The following GPM6A variants were observed in gnomAD, a reference collection of about 807,000 sequenced individuals.
GPM6A encodes neuronal membrane glycoprotein M6-a.
GPM6A carries 7 observed loss-of-function variants against 32.1 expected under a neutral mutation model. The observed-to-expected ratio is 0.22, with a 90% CI of 0.12 to 0.41. GPM6A has a LOEUF of 0.41. GPM6A is among the 10% of genes least tolerant of loss of function. The probability of loss-of-function intolerance (pLI) is 1.00; values close to 1 mark genes in which losing one functional copy is unlikely to be tolerated. For missense variants in GPM6A, 235 were observed against 347.2 expected, an observed-to-expected ratio of 0.68 and a Z score of 2.57; for synonymous variants, 130 against 123.4, an observed-to-expected ratio of 1.05 and a Z score of -0.35.
chr4:175,782,322 C>T (rs1437473597), intron 1 of GPM6A, among the ~76,000 whole-genome samples: 2 of 152,044 alleles, frequency 1.3e-5, no homozygotes, highest in African/African-American at 4.8e-5. Flanking sequence ...TGGAATATCA[C>T]GTCATCTACT....
chr4:175,700,524 A>G (rs1332600696), intron 2 of GPM6A, among the ~76,000 whole-genome samples: 1 of 152,220 alleles, frequency 6.6e-6, no homozygotes, highest in East Asian at 1.9e-4. Flanking sequence ...TGGAATGATA[A>G]GATTAAAAAG....
intron 3 of GPM6A, among the ~76,000 whole-genome samples, chr4:175,670,402 C>T (rs1742988345): frequency 6.6e-6 from 1 of 152,128 alleles, no homozygotes; most frequent in Non-Finnish European, 1.5e-5. Flanking sequence ...GAAAATGTGA[C>T]ACACTGAAGG....
chr4:175,793,422 G>C (rs1734089005), intron 1 of GPM6A, among the ~76,000 whole-genome samples: 3 of 151,978 alleles, frequency 2.0e-5, no homozygotes, highest in African/African-American at 7.3e-5. Flanking sequence ...TGTCCCTCAG[G>C]CTGGAGTGCA....
chr4:175,664,813 C>T (rs1437518982), intron 3 of GPM6A, among the ~76,000 whole-genome samples: 1 of 152,156 alleles, frequency 6.6e-6, no homozygotes, highest in East Asian at 1.9e-4. Context: ...GAAAGGAATT[C>T]ATTTTGAGAA....
intron 1 of GPM6A, among the ~76,000 whole-genome samples, chr4:175,998,686 C>T (rs1741384946): frequency 6.6e-6 from 1 of 152,108 alleles, no homozygotes; most frequent in African/African-American, 2.4e-5. Flanking sequence ...ATCTTTTGCT[C>T]TCCGGTTCCA....
Position 175,640,169 on chromosome 4 carries a change from A to G in GPM6A, c.644T>C (p.Ile215Thr), listed in dbSNP as rs747585562. Reference sequence around the variant, plus strand: ...TGCCCCAGCTCCAGCAAGTGCCACAATAAACAAGTGGAAGGTCATGTTCAG... The same window carrying G: ...TGCCCCAGCTCCAGCAAGTGCCACAGTAAACAAGTGGAAGGTCATGTTCAG... Reference protein sequence around the residue: ...TELNMTFHLFIVALAGAGAAV... With the variant: ...TELNMTFHLFTVALAGAGAAV... The change falls in exon 6 of 7, where the codon ATT (isoleucine) becomes ACT (threonine). Residue 215 changes from isoleucine to threonine, a missense_variant. Ile to Thr is a moderately conservative substitution (Grantham distance 89). This residue lies in a region of GPM6A where 107 missense variants were observed against 116.7 expected (regional missense o/e 0.92). Transcript: ENST00000393658. 55 of 1,613,734 alleles carry G rather than the reference A, an allele frequency of 3.4e-5. No individual in the cohort carries two copies. Among genetic ancestry groups the G allele is most frequent in the Non-Finnish European group, 4.5e-5 (53 of 1,179,756 alleles).
chr4:175,692,243 C>A (rs1279574644), intron 2 of GPM6A, among the ~76,000 whole-genome samples: 1 of 151,920 alleles, frequency 6.6e-6, no homozygotes, highest in African/African-American at 2.4e-5. Flanking sequence ...AGATTTCTTC[C>A]CTGGGATAAA....
chr4:175,668,878 T>C (rs1054643592), intron 3 of GPM6A, among the ~76,000 whole-genome samples: 1 of 152,188 alleles, frequency 6.6e-6, no homozygotes. Context: ...ATAACCATCC[T>C]ATTAAATGAA....
chr4:175,712,710 T>G (rs1236995029), intron 1 of GPM6A, among the ~76,000 whole-genome samples: 1 of 152,196 alleles, frequency 6.6e-6, no homozygotes, highest in Non-Finnish European at 1.5e-5. Flanking sequence ...CTCACTCCTT[T>G]TTTCTATGCC....
chr4:175,723,057 A>G (rs1746227785), intron 1 of GPM6A, among the ~76,000 whole-genome samples: 1 of 152,200 alleles, frequency 6.6e-6, no homozygotes. Flanking sequence ...GTATTGAGAC[A>G]AAAGGTTTGT....
At chr4:175,891,345 A>G (rs188122743) in intron 1 of GPM6A, 5 of 152,272 alleles carry the variant, frequency 3.3e-5, no homozygotes, top group Admixed American at 6.5e-5. Context: ...GTTTTATCCT[A>G]TTCTTCCCTT....
intron 1 of GPM6A, among the ~76,000 whole-genome samples, chr4:175,904,711 G>C (rs1738076553): frequency 1.3e-5 from 2 of 151,898 alleles, no homozygotes; most frequent in Admixed American, 6.6e-5. Flanking sequence ...TACAATTTAT[G>C]GAAAAAATAA....
intron 1 of GPM6A, among the ~76,000 whole-genome samples, chr4:175,806,674 A>T (rs1734708801): frequency 6.6e-6 from 1 of 152,232 alleles, no homozygotes; most frequent in Non-Finnish European, 1.5e-5. Flanking sequence ...TTTATTAAAA[A>T]TATAACTAAT....
At chr4:175,852,082 T>A (rs1292028320) in intron 1 of GPM6A, among the ~76,000 whole-genome samples, 1 of 152,098 alleles carries the variant, frequency 6.6e-6, no homozygotes, top group Non-Finnish European at 1.5e-5. Flanking sequence ...CTCCCCATAA[T>A]ACTTGGAATT....
chr4:175,704,229 T>A (rs1186516312), intron 1 of GPM6A, among the ~76,000 whole-genome samples: 1 of 151,380 alleles, frequency 6.6e-6, no homozygotes, highest in African/African-American at 2.4e-5. Context: ...AAAAAAGGAG[T>A]CTGAACACCT....
At chr4:175,867,788 C>T (rs1736786345) in intron 1 of GPM6A, among the ~76,000 whole-genome samples, 4 of 152,152 alleles carry the variant, frequency 2.6e-5, no homozygotes, top group African/African-American at 7.2e-5. Context: ...TTTCCTTATC[C>T]CACATGAAAG....
chr4:175,806,794 A>C (rs1734714158), intron 1 of GPM6A: 2 of 152,238 alleles, frequency 1.3e-5, no homozygotes, highest in African/African-American at 4.8e-5. Context: ...TAGTAAAAGC[A>C]CAGCTGTGAA....
rs983263083 is a variant in GPM6A, at chr4:175,937,998, C to T, written c.-23+64311G>A. ...GTTGATAGTCAGTTATTTATATGGA[C>T]GTGACCTCAAGTGAATGGATTACAT... On this transcript the variant is annotated intron_variant, in intron 1 of 7. Coordinates refer to the GPM6A transcript ENST00000280187. Among the ~76,000 whole-genome samples, 9 of 152,034 alleles carry T rather than the reference C, an allele frequency of 5.9e-5. No homozygotes were observed. In the East Asian group the frequency reaches 9.6e-4, roughly 16 times the overall value.
chr4:175,837,691 G>A (rs1256572146), intron 1 of GPM6A, among the ~76,000 whole-genome samples: 1 of 152,102 alleles, frequency 6.6e-6, no homozygotes, highest in Non-Finnish European at 1.5e-5. Context: ...CAGGGACAAC[G>A]GCAAGAGGAC....
Sources: allele counts gnomAD v4.1 joint callset (sites outside exome capture counted in the v4.1 genomes callset), GRCh38; gene constraint gnomAD v4.1.1; regional missense constraint gnomAD v4.1.1; transcripts MANE v1.5; gene names NCBI Gene and HGNC (gene_info 2026-07-23, HGNC 2026-07-21).